NCOA1: variants seen among roughly 807,000 people sequenced by gnomAD.
NCOA1 encodes the protein nuclear receptor coactivator 1.
NCOA1 carries 35 observed loss-of-function variants against 150.9 expected under a neutral mutation model. The ratio of observed to expected loss-of-function variants is 0.23; its 90% CI spans 0.18 to 0.31. NCOA1 has a LOEUF of 0.31. NCOA1 is among the 10% of genes least tolerant of loss of function. The probability of loss-of-function intolerance (pLI) is 1.00; values close to 1 mark genes in which losing one functional copy is unlikely to be tolerated. For missense variants in NCOA1, 1,491 were observed against 1,749.3 expected (o/e 0.85, Z 2.63); for synonymous variants, 590 against 630.0 (o/e 0.94, Z 0.95).
intron 4 of NCOA1, among the ~76,000 whole-genome samples, chr2:24,644,480 C>T (rs1185448643): frequency 6.6e-6 from 1 of 151,874 alleles, no homozygotes; most frequent in Non-Finnish European, 1.5e-5. Flanking sequence ...ATAATATATA[C>T]CTATATAATT....
intron 22 of NCOA1, among the ~76,000 whole-genome samples, chr2:24,764,028 G>A (rs1046118325): frequency 2.6e-5 from 4 of 152,234 alleles, no homozygotes; most frequent in African/African-American, 9.6e-5. Context: ...ACTGTGGGGA[G>A]AAGTGAGGAA....
intron 8 of NCOA1, among the ~76,000 whole-genome samples, chr2:24,683,457 G>T (rs977327235): frequency 6.6e-6 from 1 of 152,120 alleles, no homozygotes; most frequent in African/African-American, 2.4e-5. Flanking sequence ...AGAAAGAGAG[G>T]GAGTGAGAAG....
intron 6 of NCOA1, among the ~76,000 whole-genome samples, chr2:24,672,404 C>G (rs1004960030): frequency 6.6e-6 from 1 of 151,906 alleles, no homozygotes; most frequent in Non-Finnish European, 1.5e-5. Context: ...AATCCTTCTT[C>G]TTGTTTTTGA....
intron 3 of NCOA1, among the ~76,000 whole-genome samples, chr2:24,629,815 T>TGC (rs1206331129): frequency 7.2e-5 from 7 of 97,792 alleles, no homozygotes; most frequent in Admixed American, 1.1e-4. Context: ...GTAACATACA[T>TGC]ACATATATAT....
At chr2:24,737,979 CTT>C (rs1420643549) in intron 17 of NCOA1, among the ~76,000 whole-genome samples, 2 of 152,094 alleles carry the variant, frequency 1.3e-5, no homozygotes, top group African/African-American at 4.8e-5. Flanking sequence ...ATTTAAGAGT[CTT>C]TTTGACTTTT....
intron 5 of NCOA1, among the ~76,000 whole-genome samples, chr2:24,665,260 C>A (rs1409245975): frequency 6.6e-6 from 1 of 152,010 alleles, no homozygotes; most frequent in African/African-American, 2.4e-5. Flanking sequence ...TGATGAGGAT[C>A]AACTAATGGT....
intron 3 of NCOA1, among the ~76,000 whole-genome samples, chr2:24,634,693 ATTCCTAGGGGAGGAACCCCCCCCCCCCCC>A (rs915299970): frequency 9.4e-5 from 11 of 117,450 alleles, no homozygotes; most frequent in African/African-American, 3.6e-4. Context: ...CCTACCCTGG[ATTCCTAGGGGAGGAACCCCCCCCCCCCCC>A]GCCCCCGGAG....
intron 1 of NCOA1, among the ~76,000 whole-genome samples, chr2:24,537,084 C>A (rs897686777): frequency 6.6e-6 from 1 of 151,920 alleles, no homozygotes; most frequent in Non-Finnish European, 1.5e-5. Flanking sequence ...TACAATTCGT[C>A]CATGTAACCC....
chr2:24,658,629 G>T, intron 4 of NCOA1, 32 bp from the exon 5 acceptor site: 1 of 1,522,832 alleles, frequency 6.6e-7, no homozygotes, highest in Non-Finnish European at 9.1e-7. Flanking sequence ...GGTCATAAGG[G>T]TAGATTTCTT....
intron 4 of NCOA1, among the ~76,000 whole-genome samples, chr2:24,651,480 T>C (rs1318428457): frequency 6.6e-6 from 1 of 152,124 alleles, no homozygotes; most frequent in Non-Finnish European, 1.5e-5. Context: ...TAATCTCATT[T>C]ACATGAGGCA....
chr2:24,722,943 A>G (rs1278833943), intron 14 of NCOA1, among the ~76,000 whole-genome samples: 2 of 142,484 alleles, frequency 1.4e-5, no homozygotes, highest in African/African-American at 5.2e-5. Flanking sequence ...GTGAGCCGAG[A>G]TCATGCCACT....
chr2:24,669,353 C>T (rs113664451), intron 6 of NCOA1, among the ~76,000 whole-genome samples: 24 of 152,110 alleles, frequency 1.6e-4, no homozygotes, highest in Non-Finnish European at 2.8e-4. Context: ...TGTCCATGTC[C>T]CAGCTAACAA....
At chr2:24,699,267 GACTT>G (rs1445329155) in intron 11 of NCOA1, among the ~76,000 whole-genome samples, 2 of 152,126 alleles carry the variant, frequency 1.3e-5, no homozygotes, top group Non-Finnish European at 2.9e-5. Context: ...TTACTTAAAA[GACTT>G]AATTTATTTG....
At chr2:24,637,576 TA>T (rs1280371399) in intron 3 of NCOA1, among the ~76,000 whole-genome samples, 1 of 152,230 alleles carries the variant, frequency 6.6e-6, no homozygotes, top group Admixed American at 6.5e-5. Flanking sequence ...TCATTCTCAG[TA>T]AACTATCGCA....
At chr2:24,537,496 G>T (rs1051315360) in intron 1 of NCOA1, among the ~76,000 whole-genome samples, 1 of 151,714 alleles carries the variant, frequency 6.6e-6, no homozygotes, top group African/African-American at 2.4e-5. Context: ...GTGTGTGTGT[G>T]TGTCTCTCTC....
intron 1 of NCOA1, among the ~76,000 whole-genome samples, chr2:24,543,701 G>A (rs951536361): frequency 6.6e-6 from 1 of 152,018 alleles, no homozygotes; most frequent in Non-Finnish European, 1.5e-5. Flanking sequence ...ACAGGAGAGA[G>A]AAATTGAGAA....
chr2:24,539,133 T>TC (rs78273745), intron 1 of NCOA1, among the ~76,000 whole-genome samples: 2 of 148,064 alleles, frequency 1.4e-5, no homozygotes, highest in South Asian at 2.1e-4. Flanking sequence ...GTGAGTTTTT[T>TC]CCCCCCCATT....
intron 2 of NCOA1, among the ~76,000 whole-genome samples, chr2:24,571,937 G>A (rs1332782456): frequency 3.3e-5 from 5 of 151,906 alleles, no homozygotes; most frequent in Non-Finnish European, 7.4e-5. Flanking sequence ...GATTTTATTG[G>A]TATTACTTGC....
intron 21 of NCOA1, among the ~76,000 whole-genome samples, chr2:24,761,267 A>G (rs1490234545): frequency 6.6e-6 from 1 of 152,150 alleles, no homozygotes; most frequent in Non-Finnish European, 1.5e-5. Flanking sequence ...ACATTCACCG[A>G]TTCTCTAGGT....
Sources: gnomAD v4.1 joint callset for allele counts (sites outside exome capture counted in the v4.1 genomes callset) on GRCh38, gnomAD v4.1.1 for gene constraint, MANE v1.5 for transcripts, NCBI Gene and HGNC (gene_info 2026-07-23, HGNC 2026-07-21) for gene names.